SLCO5A1: variants seen among roughly 807,000 people sequenced by gnomAD.
SLCO5A1 encodes the protein organic anion transporter polypeptide-related protein 4.
Under a neutral mutation model 65.1 loss-of-function variants are expected in SLCO5A1, and 39 were observed. The observed-to-expected ratio is 0.60, with a 90% CI of 0.46 to 0.78. The LOEUF is 0.78. Ranked by LOEUF, SLCO5A1 falls within the 30% of genes least tolerant of loss-of-function variation. The pLI is 0.00. For synonymous variants in SLCO5A1, 438 were observed against 415.7 expected (o/e 1.05, Z -0.65); for missense variants, 1,029 against 1,069.4 (o/e 0.96, Z 0.53).
chr8:69,740,111 CTTCTT>C (rs1034787252), intron 4 of SLCO5A1, among the ~76,000 whole-genome samples: 5 of 152,188 alleles, frequency 3.3e-5, no homozygotes, highest in African/African-American at 1.2e-4. Context: ...ATGGTTCTCT[CTTCTT>C]TTATTAAAAA....
At position 69,671,319 on chromosome 8, in the gene SLCO5A1, A is replaced by G. The variant is rs1022005645; in HGVS notation, c.*1550T>C. ...GCCTGAATCATGGAACAGTCTGTCA[A>G]TCACATCTCTTCTGGGGATAAGGGT... On this transcript the variant is annotated 3_prime_UTR_variant, in exon 10 of 10. Transcript: ENST00000260126. 2.0e-5 allele frequency: 3 copies of G among 152,356 alleles called. No homozygotes were observed. Among genetic ancestry groups the G allele is most frequent in the East Asian group, 3.9e-4 (2 of 5,178 alleles). The allele number at this position is 152,356 out of a possible 1,614,324, so 9.4% of individuals were successfully genotyped here. A position where few individuals can be genotyped will look rare whatever the true frequency, so the allele number is the denominator to read the frequency against.
chr8:69,750,285 G>T (rs1052731670), intron 4 of SLCO5A1, among the ~76,000 whole-genome samples: 1 of 152,094 alleles, frequency 6.6e-6, no homozygotes, highest in East Asian at 1.9e-4. Context: ...TTAGCAGGCT[G>T]CTGTCCTTTC....
At chr8:69,789,105 C>T (rs917100536) in intron 2 of SLCO5A1, among the ~76,000 whole-genome samples, 3 of 152,168 alleles carry the variant, frequency 2.0e-5, no homozygotes, top group Non-Finnish European at 4.4e-5. Flanking sequence ...CCCCAAGAAA[C>T]AGAACGCATT....
intron 2 of SLCO5A1, among the ~76,000 whole-genome samples, chr8:69,776,559 A>G (rs1021574345): frequency 6.6e-6 from 1 of 152,092 alleles, no homozygotes; most frequent in Admixed American, 6.5e-5. Flanking sequence ...GCATGATGAC[A>G]TGCATCTGTA....
intron 2 of SLCO5A1, among the ~76,000 whole-genome samples, chr8:69,821,883 T>C (rs577981765): frequency 1.1e-4 from 16 of 152,064 alleles, no homozygotes; most frequent in African/African-American, 3.1e-4. Flanking sequence ...TCCCATCATT[T>C]TGGGAGGCCA....
chr8:69,808,503 CT>C (rs1820102064), intron 2 of SLCO5A1, among the ~76,000 whole-genome samples: 2 of 152,132 alleles, frequency 1.3e-5, no homozygotes, highest in Non-Finnish European at 2.9e-5. Context: ...TGATTTTGTT[CT>C]TTTTTATGGC....
intron 2 of SLCO5A1, among the ~76,000 whole-genome samples, chr8:69,797,685 G>T (rs191509308): frequency 6.6e-6 from 1 of 152,174 alleles, no homozygotes; most frequent in South Asian, 2.1e-4. Flanking sequence ...CCAGTCTCCC[G>T]TAGCACTCCC....
At chr8:69,690,292 C>A (rs1053076071) in intron 6 of SLCO5A1, among the ~76,000 whole-genome samples, 1 of 152,244 alleles carries the variant, frequency 6.6e-6, no homozygotes, top group African/African-American at 2.4e-5. Flanking sequence ...GTTACTCCCA[C>A]CATTTACCTG....
rs1229021789 is a variant in SLCO5A1, at chr8:69,702,526, CA to C, written c.1622+2504del. Among the ~76,000 whole-genome samples, 130 of 151,074 alleles carry C rather than the reference CA, an allele frequency of 8.6e-4. 1 individual carries two copies. The highest frequency in any genetic ancestry group is 3.0e-3 in the African/African-American group (126 of 41,352). Reference sequence around the variant, plus strand: ...TCTTACACACACACACACACACACACACCAATGTCTTCTGGTAGAAAAATAA... The same window carrying C: ...TCTTACACACACACACACACACACACCCAATGTCTTCTGGTAGAAAAATAA... On this transcript the variant is annotated intron_variant, in intron 6 of 9. Transcript: ENST00000260126.
chr8:69,761,924 T>C lies in SLCO5A1; in HGVS notation c.908-49A>G, dbSNP rs191861165. ...TGAAATACAGCGACGTTTTATTACA[T>C]GTTAGGAGTTCTCTCATTTCACTCT... On this transcript the variant is annotated intron_variant, in intron 2 of 9. Coordinates refer to ENST00000260126, the MANE Select transcript of SLCO5A1 (RefSeq NM_030958.3). 1.5e-4 allele frequency: 239 copies of C among 1,597,222 alleles called. 1 individual carries two copies. In the African/African-American group the frequency reaches 2.9e-3, roughly 20 times the overall value.
At chr8:69,753,284 G>A (rs1033602542) in intron 4 of SLCO5A1, among the ~76,000 whole-genome samples, 4 of 152,174 alleles carry the variant, frequency 2.6e-5, no homozygotes, top group African/African-American at 9.6e-5. Context: ...AGGAGCTGCG[G>A]TGTTCATCCA....
intron 6 of SLCO5A1, among the ~76,000 whole-genome samples, chr8:69,684,705 A>G (rs748482445): frequency 1.3e-5 from 2 of 152,260 alleles, no homozygotes; most frequent in East Asian, 1.9e-4. Flanking sequence ...CCTATGCTCT[A>G]TGAAGGAGCC....
chr8:69,763,349 T>A (rs1436197586), intron 2 of SLCO5A1, among the ~76,000 whole-genome samples: 1 of 149,758 alleles, frequency 6.7e-6, no homozygotes, highest in Admixed American at 6.7e-5. Flanking sequence ...GCGCAGTGGC[T>A]CATGCCTATA....
chr8:69,705,337 C>T, intron 5 of SLCO5A1, 108 bp from the exon 6 acceptor site: 1 of 876,098 alleles, frequency 1.1e-6, no homozygotes, highest in Non-Finnish European at 1.8e-6. Context: ...TCAAAAGTTA[C>T]TATAATCAAT....
intron 2 of SLCO5A1, among the ~76,000 whole-genome samples, chr8:69,828,685 T>C (rs116679270): frequency 0.012 from 1,855 of 152,276 alleles, 24 homozygotes; most frequent in African/African-American, 0.043. Context: ...CACATGTCAC[T>C]TTCCACCCCT....
chr8:69,679,633 A>C lies in SLCO5A1; in HGVS notation c.1783-14T>G. ...ATAATTCCGTATCTAAGTGAGCAAAATAAAGATGAGTTGTGTGCCCCTCAA... is the reference window on the plus strand; with the variant it reads ...ATAATTCCGTATCTAAGTGAGCAAACTAAAGATGAGTTGTGTGCCCCTCAA... On this transcript the variant is annotated splice_polypyrimidine_tract_variant and intron_variant, in intron 7 of 9. Coordinates refer to ENST00000260126, the MANE Select transcript of SLCO5A1 (RefSeq NM_030958.3). 6.2e-7 allele frequency: 1 copy of C among 1,612,482 alleles called. No homozygotes were observed. Among genetic ancestry groups the C allele is most frequent in the East Asian group, 2.2e-5 (1 of 44,830 alleles).
At chr8:69,827,579 C>T (rs1820976701) in intron 2 of SLCO5A1, among the ~76,000 whole-genome samples, 1 of 152,070 alleles carries the variant, frequency 6.6e-6, no homozygotes, top group South Asian at 2.1e-4. Context: ...TTTGTTTCTG[C>T]TCGTAATTAC....
chr8:69,758,663 C>T (rs1817629750), intron 3 of SLCO5A1, among the ~76,000 whole-genome samples: 1 of 152,164 alleles, frequency 6.6e-6, no homozygotes, highest in Non-Finnish European at 1.5e-5. Flanking sequence ...TGTGGGGTCA[C>T]TTCAAAGCAG....
intron 2 of SLCO5A1, among the ~76,000 whole-genome samples, chr8:69,763,572 A>T (rs926418833): frequency 7.5e-6 from 1 of 132,568 alleles, no homozygotes; most frequent in Admixed American, 8.2e-5. Flanking sequence ...GTGAGGCATG[A>T]TCACACCACT....
Sources: allele counts gnomAD v4.1 joint callset (sites outside exome capture counted in the v4.1 genomes callset), GRCh38; gene constraint gnomAD v4.1.1; transcripts MANE v1.5; gene names NCBI Gene and HGNC (gene_info 2026-07-23, HGNC 2026-07-21).